The following SLC25A26 variants were observed in gnomAD, a reference collection of about 807,000 sequenced individuals.
SLC25A26 encodes the protein mitochondrial S-adenosylmethionine carrier protein.
A neutral mutation model predicts 37.8 loss-of-function variants in SLC25A26; 36 were observed. That is an observed-to-expected ratio of 0.95 (90% CI 0.73 to 1.26). SLC25A26 has a LOEUF of 1.26. Among genes scored for constraint, SLC25A26 ranks in the 50% most tolerant of loss-of-function variants. SLC25A26 has a pLI of 0.00. For synonymous variants in SLC25A26, 129 were observed against 122.5 expected, an observed-to-expected ratio of 1.05 and a Z score of -0.35; for missense variants, 390 against 331.1, an observed-to-expected ratio of 1.18 and a Z score of -1.38.
At chr3:66,152,976 G>A (rs1338949829) in intron 1 of SLC25A26, among the ~76,000 whole-genome samples, 12 of 152,072 alleles carry the variant, frequency 7.9e-5, no homozygotes. Flanking sequence ...AGTTTCCTGG[G>A]GCAGGACCCC....
chr3:66,285,771 A>G (rs570228010), intron 5 of SLC25A26, among the ~76,000 whole-genome samples: 1 of 152,050 alleles, frequency 6.6e-6, no homozygotes, highest in South Asian at 2.1e-4. Context: ...AAAACTTGTT[A>G]TATTTGAAGC....
intron 5 of SLC25A26, among the ~76,000 whole-genome samples, chr3:66,300,598 AG>A (rs1224564915): frequency 6.6e-6 from 1 of 152,136 alleles, no homozygotes; most frequent in Non-Finnish European, 1.5e-5. Context: ...TAACAGAATA[AG>A]GATTTATATA....
At chr3:66,270,865 T>A (rs1008321834) in intron 5 of SLC25A26, among the ~76,000 whole-genome samples, 2 of 152,218 alleles carry the variant, frequency 1.3e-5, no homozygotes, top group East Asian at 3.8e-4. Flanking sequence ...TTCTCATGTT[T>A]CGTTTACATG....
chr3:66,289,910 G>C (rs770817399), intron 5 of SLC25A26, among the ~76,000 whole-genome samples: 1 of 152,158 alleles, frequency 6.6e-6, no homozygotes, highest in African/African-American at 2.4e-5. Context: ...ACTTTGAGCA[G>C]TATGGCCATT....
intron 3 of SLC25A26, among the ~76,000 whole-genome samples, chr3:66,248,712 TC>T (rs1482769069): frequency 6.6e-6 from 1 of 152,208 alleles, no homozygotes; most frequent in Non-Finnish European, 1.5e-5. Context: ...TCCTTTATGG[TC>T]CTGTTCTGAC....
rs143515096 is a variant in SLC25A26 at position 66,146,253 on chromosome 3, T to C, written c.-354+12269T>C. 8.2e-3 allele frequency among the ~76,000 whole-genome samples: 1,239 copies of C among 151,288 alleles called. 4 individuals carry two copies. The highest frequency in any genetic ancestry group is 0.012 in the Non-Finnish European group (844 of 67,914). ...TACTTGGGAGGCTAAGGCAGGAGAA[T>C]CGCTTGAACCCGGGAGACAGAGGTT... On this transcript the variant is annotated intron_variant, in intron 1 of 10. Coordinates refer to the SLC25A26 transcript ENST00000676754.
chr3:66,151,668 C>A (rs1039804406), intron 1 of SLC25A26, among the ~76,000 whole-genome samples: 1 of 152,182 alleles, frequency 6.6e-6, no homozygotes. Flanking sequence ...TCCTCTCCTT[C>A]TGACTTGGGT....
At position 66,271,230 on chromosome 3, in the gene SLC25A26, G is replaced by C. The variant is rs556810579; in HGVS notation, c.453+7851G>C. 7.2e-5 allele frequency among the ~76,000 whole-genome samples: 11 copies of C among 152,208 alleles called. No individual in the cohort carries two copies. The East Asian group carries it at 1.3e-3, about 19-fold the overall frequency. ...GTGAGTCCATTTGGATTGCATTTAG[G>C]CTTCAAATAACAGAAAATTTGACTA... On this transcript the variant is annotated intron_variant, in intron 5 of 9. Transcript: ENST00000354883.
At chr3:66,145,064 A>G (rs894878380) in intron 1 of SLC25A26, among the ~76,000 whole-genome samples, 1 of 152,160 alleles carries the variant, frequency 6.6e-6, no homozygotes, top group Non-Finnish European at 1.5e-5. Context: ...CTTAAGAATT[A>G]CTGTAAAATC....
chr3:66,280,847 T>C (rs946577131), intron 5 of SLC25A26, among the ~76,000 whole-genome samples: 1 of 152,188 alleles, frequency 6.6e-6, no homozygotes. Context: ...TTGACACTTA[T>C]CATTTAGTAT....
In SLC25A26 at chr3:66,221,019, G is replaced by C; in HGVS notation, c.-76G>C. On this transcript the variant is annotated 5_prime_UTR_variant, in exon 1 of 10. Transcript: ENST00000354883. Reference sequence around the variant, plus strand: ...TCAAGACAGACCCGCCTCAAACATGGCGGCGCCCAGCGCGCGAGGACGTGA... The same window carrying C: ...TCAAGACAGACCCGCCTCAAACATGCCGGCGCCCAGCGCGCGAGGACGTGA... 1.8e-5 allele frequency: 27 copies of C among 1,482,416 alleles called. No homozygotes were observed. Among genetic ancestry groups the C allele is most frequent in the Non-Finnish European group, 2.5e-5 (27 of 1,097,764 alleles). The allele number at this position is 1,482,416 out of a possible 1,614,324, so 91.8% of individuals were successfully genotyped here.
intron 5 of SLC25A26, among the ~76,000 whole-genome samples, chr3:66,290,790 C>G (rs2074678473): frequency 6.6e-6 from 1 of 152,032 alleles, no homozygotes; most frequent in Admixed American, 6.6e-5. Flanking sequence ...TTTGTTGTGT[C>G]TCTGCCAGGT....
intron 5 of SLC25A26, among the ~76,000 whole-genome samples, chr3:66,279,052 T>TC (rs1363562356): frequency 6.6e-6 from 1 of 152,220 alleles, no homozygotes; most frequent in African/African-American, 2.4e-5. Context: ...CAGAATCAAA[T>TC]AGACCTTCTT....
upstream of SLC25A26, among the ~76,000 whole-genome samples, chr3:66,216,974 T>G (rs2071371456): frequency 6.6e-6 from 1 of 152,348 alleles, no homozygotes; most frequent in South Asian, 2.1e-4. Flanking sequence ...GTTTGTAATA[T>G]CTGTATTTCC....
At position 66,209,901 on chromosome 3, in the gene SLC25A26, TATATATATATA is replaced by T. The variant is rs2071258400; in HGVS notation, c.-353-10840_-353-10830del. 2.8e-4 allele frequency among the ~76,000 whole-genome samples: 4 copies of T among 14,484 alleles called. 1 individual carries two copies. The highest frequency in any genetic ancestry group is 3.8e-3 in the East Asian group (1 of 262). The allele number at this position is 14,484 out of a possible 152,430, so 9.5% of individuals were successfully genotyped here. ...ACTCCTCTCTCTCTCTCTCTATTTA[TATATATATATA>T]TATATATATATATATATATATATAT... On this transcript the variant is annotated intron_variant, in intron 1 of 10. Transcript: ENST00000676754.
At chr3:66,209,597 A>AT (rs2071246721) in intron 1 of SLC25A26, among the ~76,000 whole-genome samples, 3 of 137,336 alleles carry the variant, frequency 2.2e-5, no homozygotes, top group South Asian at 2.5e-4. Context: ...ATATATATAT[A>AT]AAAGGTATAT....
intron 1 of SLC25A26, among the ~76,000 whole-genome samples, chr3:66,235,760 A>G (rs1453856157): frequency 6.6e-6 from 1 of 152,240 alleles, no homozygotes; most frequent in Non-Finnish European, 1.5e-5. Flanking sequence ...AAATGAGACT[A>G]TATGTTCATA....
chr3:66,183,676 G>A (rs2070760413), intron 1 of SLC25A26, among the ~76,000 whole-genome samples: 1 of 151,836 alleles, frequency 6.6e-6, no homozygotes, highest in African/African-American at 2.4e-5. Flanking sequence ...CCCTGACCTT[G>A]ATCTAGATAC....
chr3:66,151,208 C>T (rs2070203685), intron 1 of SLC25A26, among the ~76,000 whole-genome samples: 1 of 152,142 alleles, frequency 6.6e-6, no homozygotes, highest in South Asian at 2.1e-4. Flanking sequence ...TTGTGGCACT[C>T]ATAGCAAAGA....
Sources: gnomAD v4.1 joint callset for allele counts (sites outside exome capture counted in the v4.1 genomes callset) on GRCh38, gnomAD v4.1.1 for gene constraint, MANE v1.5 for transcripts, NCBI Gene and HGNC (gene_info 2026-07-23, HGNC 2026-07-21) for gene names.